The following CTNNBL1 variants were observed in gnomAD, a reference collection of about 807,000 sequenced individuals.
The protein encoded by CTNNBL1 is catenin beta like 1, also known as beta-catenin-like protein 1.
In CTNNBL1, 31 loss-of-function variants were observed where a neutral mutation model predicts 72.7. The observed-to-expected ratio is 0.43, with a 90% CI of 0.32 to 0.58. The LOEUF is 0.58. Ranked by LOEUF, CTNNBL1 falls within the 20% of genes least tolerant of loss-of-function variation. The probability of loss-of-function intolerance (pLI) is 0.08; values close to 1 mark genes in which losing one functional copy is unlikely to be tolerated. For missense variants in CTNNBL1, 534 were observed against 725.1 expected (o/e 0.74, Z 3.03); for synonymous variants, 240 against 267.3 (o/e 0.90, Z 1.00).
chr20:37,864,130 A>G (rs952538216), intron 15 of CTNNBL1, among the ~76,000 whole-genome samples: 1 of 151,868 alleles, frequency 6.6e-6, no homozygotes, highest in African/African-American at 2.4e-5. Flanking sequence ...AAGGGGTGGG[A>G]GGCTGGGCTC....
At chr20:37,727,822 T>C (rs973169008) in intron 1 of CTNNBL1, among the ~76,000 whole-genome samples, 1 of 152,204 alleles carries the variant, frequency 6.6e-6, no homozygotes, top group Non-Finnish European at 1.5e-5. Context: ...TCAAGAGCCC[T>C]TTGGCTTCCC....
rs112261780 is a variant in CTNNBL1 at position 37,710,006 on chromosome 20, G to T, written c.30+15854G>T. On this transcript the variant is annotated intron_variant, in intron 1 of 15. Transcript: ENST00000361383. ...AATAACTTTAGCACCCCAACAACTT[G>T]GTGACAAAATCGGGGTCAGGCAGTG... Among the ~76,000 whole-genome samples, 599 of 152,296 alleles carry T rather than the reference G, an allele frequency of 3.9e-3. 6 individuals carry two copies. Among genetic ancestry groups the T allele is most frequent in the African/African-American group, 0.014 (567 of 41,562 alleles).
At chr20:37,699,465 A>T (rs781649942) in intron 1 of CTNNBL1, among the ~76,000 whole-genome samples, 6 of 152,262 alleles carry the variant, frequency 3.9e-5, no homozygotes, top group Non-Finnish European at 7.3e-5. Flanking sequence ...GCCGAAAGCC[A>T]GACAACCAGT....
In CTNNBL1 at chr20:37,779,181, T is replaced by G; in HGVS notation, c.883-6T>G. 1 of 1,612,630 alleles carries G rather than the reference T, an allele frequency of 6.2e-7. No homozygotes were observed. The highest frequency in any genetic ancestry group is 8.5e-7 in the Non-Finnish European group (1 of 1,179,486). On this transcript the variant is annotated splice_polypyrimidine_tract_variant and splice_region_variant and intron_variant, in intron 9 of 15. Transcript: ENST00000361383. ...CTCTGTGCTTTGTGCTGTTTTTGCT[T>G]GACAGGTGTTTAAAAGACACAATCC...
At chr20:37,771,045 A>T (rs1021090603) in intron 7 of CTNNBL1, among the ~76,000 whole-genome samples, 2 of 152,164 alleles carry the variant, frequency 1.3e-5, no homozygotes, top group Non-Finnish European at 2.9e-5. Context: ...TTAGCTGTGT[A>T]ATTGTGGGTA....
In CTNNBL1 at chr20:37,760,877, A is replaced by G. The variant is rs767451690; in HGVS notation, c.564+3221A>G. On this transcript the variant is annotated intron_variant, in intron 5 of 15. Transcript: ENST00000361383. ...GTCTGTGAATATTGAGTTCACAAAC[A>G]TTTTTTTCAGTTTAAAAAATATTTC... 1.3e-3 allele frequency among the ~76,000 whole-genome samples: 195 copies of G among 152,258 alleles called. 1 individual carries two copies. The highest frequency in any genetic ancestry group is 0.01 in the Middle Eastern group (3 of 294).
At chr20:37,797,777 T>C (rs1292840723) in intron 10 of CTNNBL1, among the ~76,000 whole-genome samples, 3 of 152,196 alleles carry the variant, frequency 2.0e-5, no homozygotes, top group African/African-American at 7.2e-5. Flanking sequence ...TACACAAAAG[T>C]CAGCCTGTCT....
chr20:37,835,714 C>G (rs1033634114), intron 11 of CTNNBL1, among the ~76,000 whole-genome samples: 3 of 152,126 alleles, frequency 2.0e-5, no homozygotes, highest in Non-Finnish European at 4.4e-5. Context: ...AGCATTGCTT[C>G]TAATAGCAAG....
chr20:37,735,022 T>G (rs146319037), intron 2 of CTNNBL1, among the ~76,000 whole-genome samples: 13 of 152,382 alleles, frequency 8.5e-5, no homozygotes, highest in African/African-American at 2.9e-4. Flanking sequence ...ATTTAACCCT[T>G]TCCTAGAAAT....
chr20:37,701,806 A>G (rs962316799), intron 1 of CTNNBL1, among the ~76,000 whole-genome samples: 2 of 152,014 alleles, frequency 1.3e-5, no homozygotes, highest in African/African-American at 4.8e-5. Context: ...GGCGTAATAC[A>G]TCGTACGCTC....
intron 10 of CTNNBL1, among the ~76,000 whole-genome samples, chr20:37,781,064 A>G (rs192231970): frequency 6.6e-6 from 1 of 152,178 alleles, no homozygotes; most frequent in African/African-American, 2.4e-5. Flanking sequence ...AACAATTTTT[A>G]AAAAAATGCA....
At chr20:37,768,663 T>TGA (rs1294875854) in intron 7 of CTNNBL1, among the ~76,000 whole-genome samples, 1 of 152,354 alleles carries the variant, frequency 6.6e-6, no homozygotes, top group South Asian at 2.1e-4. Context: ...AAAGGTATTT[T>TGA]GAGAGAGAGA....
intron 5 of CTNNBL1, among the ~76,000 whole-genome samples, chr20:37,764,590 A>G (rs1323696765): frequency 6.6e-6 from 1 of 152,230 alleles, no homozygotes; most frequent in Non-Finnish European, 1.5e-5. Context: ...AGAGAAATAC[A>G]GTAGCTTTCT....
chr20:37,763,370 G>A (rs144852902), intron 5 of CTNNBL1, among the ~76,000 whole-genome samples: 340 of 152,300 alleles, frequency 2.2e-3, no homozygotes, highest in African/African-American at 7.7e-3. Flanking sequence ...GCACTTTCCT[G>A]TATTTACAGG....
intron 11 of CTNNBL1, among the ~76,000 whole-genome samples, chr20:37,807,881 A>G (rs1203593425): frequency 2.6e-5 from 4 of 152,202 alleles, no homozygotes; most frequent in African/African-American, 9.6e-5. Flanking sequence ...TAACTGCTTC[A>G]GAATAGGAGG....
chr20:37,765,063 C>T (rs374427873), intron 5 of CTNNBL1, 134 bp from the exon 6 acceptor site: 19 of 672,002 alleles, frequency 2.8e-5, no homozygotes, highest in East Asian at 2.2e-4. Flanking sequence ...GGGAGAGCAC[C>T]TTGTAAACCA....
chr20:37,791,597 G>A (rs922405437), intron 10 of CTNNBL1, among the ~76,000 whole-genome samples: 2 of 152,030 alleles, frequency 1.3e-5, no homozygotes, highest in Admixed American at 1.3e-4. Context: ...ATATTATATG[G>A]TTTATATCAG....
At chr20:37,841,329 A>G (rs2072302490) in intron 12 of CTNNBL1, among the ~76,000 whole-genome samples, 1 of 152,188 alleles carries the variant, frequency 6.6e-6, no homozygotes, top group Non-Finnish European at 1.5e-5. Context: ...ACGTCACCCT[A>G]GTGACATCAG....
At chr20:37,722,203 G>A (rs2073046632) in intron 1 of CTNNBL1, among the ~76,000 whole-genome samples, 2 of 152,226 alleles carry the variant, frequency 1.3e-5, no homozygotes, top group African/African-American at 4.8e-5. Flanking sequence ...GTCAGGCATG[G>A]TTGTTCATGC....
Sources: gnomAD v4.1 joint callset for allele counts (sites outside exome capture counted in the v4.1 genomes callset) on GRCh38, gnomAD v4.1.1 for gene constraint, MANE v1.5 for transcripts, NCBI Gene and HGNC (gene_info 2026-07-23, HGNC 2026-07-21) for gene names.